The following DGLUCY variants were observed in gnomAD, a reference collection of about 807,000 sequenced individuals.
DGLUCY encodes the protein D-glutamate cyclase, also known as D-glutamate cyclase, mitochondrial.
DGLUCY carries 58 observed loss-of-function variants against 58.5 expected under a neutral mutation model. The ratio of observed to expected loss-of-function variants is 0.99; its 90% CI spans 0.80 to 1.23. The LOEUF is 1.23. Among genes scored for constraint, DGLUCY ranks in the 50% most tolerant of loss-of-function variants. The pLI is 0.00. For synonymous variants in DGLUCY, 325 were observed against 314.1 expected, an observed-to-expected ratio of 1.03 and a Z score of -0.37; for missense variants, 779 against 784.7, an observed-to-expected ratio of 0.99 and a Z score of 0.09.
rs143829341 is a variant in DGLUCY at position 91,199,939 on chromosome 14, G to A, written c.1444+34G>A. On this transcript the variant is annotated intron_variant, in intron 11 of 13. Coordinates refer to ENST00000256324, the MANE Select transcript of DGLUCY (RefSeq NM_001102368.3). ...GGAGTACTGGGGATGCACCAAGAAC[G>A]TGGCCCCATGAAGTGTCTTTTGTTG... 3,392 of 1,612,636 alleles carry A rather than the reference G, an allele frequency of 2.1e-3. 62 individuals carry two copies. In the African/African-American group the frequency reaches 0.038, roughly 18 times the overall value.
chr14:91,208,610 A>G (rs1469449663), intron 12 of DGLUCY, among the ~76,000 whole-genome samples: 3 of 152,148 alleles, frequency 2.0e-5, no homozygotes, highest in Non-Finnish European at 2.9e-5. Flanking sequence ...TTAGCTGAGT[A>G]TGGTGGTGGA....
chr14:91,156,410 G>A (rs141593194), intron 1 of DGLUCY, among the ~76,000 whole-genome samples: 61 of 152,234 alleles, frequency 4.0e-4, no homozygotes, highest in African/African-American at 1.1e-3. Flanking sequence ...CACTGTGCCC[G>A]GCCTGTTTCT....
At chr14:91,078,305 TTGAA>T (rs2140041821) in intron 1 of DGLUCY, among the ~76,000 whole-genome samples, 1 of 152,348 alleles carries the variant, frequency 6.6e-6, no homozygotes, top group African/African-American at 2.4e-5. Flanking sequence ...AAAAGCTACT[TTGAA>T]TGGTATGCTA....
Position 91,186,320 on chromosome 14 carries a change from C to A in DGLUCY, c.935-2590C>A, listed in dbSNP as rs140465571. Reference sequence around the variant, plus strand: ...GGAGTGCAGTGGTGCGATCTCAGCTCACTGCAGCCTCCGCCTCCCAAGTTC... The same window carrying A: ...GGAGTGCAGTGGTGCGATCTCAGCTAACTGCAGCCTCCGCCTCCCAAGTTC... On this transcript the variant is annotated intron_variant, in intron 8 of 13. Coordinates refer to ENST00000256324, the MANE Select transcript of DGLUCY (RefSeq NM_001102368.3). Among the ~76,000 whole-genome samples the A allele has an allele frequency of 1.1e-3, 171 of 152,214 alleles. 5 individuals are homozygous for A. The East Asian group carries it at 0.028, about 25-fold the overall frequency.
intron 1 of DGLUCY, chr14:91,145,097 G>T (rs2046942194): frequency 6.6e-6 from 1 of 152,158 alleles, no homozygotes; most frequent in East Asian, 1.9e-4. Flanking sequence ...TTCAGCGTGG[G>T]GGGTTAGAAA....
At chr14:91,069,741 A>G (rs1036952121) in intron 1 of DGLUCY, among the ~76,000 whole-genome samples, 2 of 149,316 alleles carry the variant, frequency 1.3e-5, no homozygotes, top group African/African-American at 4.9e-5. Context: ...AACTACAGCT[A>G]TTGTGTAGTT....
chr14:91,160,447 T>C (rs2047918166), intron 3 of DGLUCY, 50 bp downstream of exon 3: 2 of 1,274,110 alleles, frequency 1.6e-6, no homozygotes, highest in Non-Finnish European at 1.1e-6. Flanking sequence ...AAAAAGAAAG[T>C]TCCTGGGAAT....
intron 1 of DGLUCY, among the ~76,000 whole-genome samples, chr14:91,156,162 G>A (rs1368980118): frequency 6.7e-6 from 1 of 149,724 alleles, no homozygotes; most frequent in Non-Finnish European, 1.5e-5. Flanking sequence ...TGCCCAGACT[G>A]GAGTGCAGTA....
chr14:91,201,500 T>C (rs1410197917), intron 11 of DGLUCY, among the ~76,000 whole-genome samples: 2 of 152,100 alleles, frequency 1.3e-5, no homozygotes, highest in Non-Finnish European at 2.9e-5. Flanking sequence ...GGTTTCACTA[T>C]GTTGGCCAGG....
Position 91,224,956 on chromosome 14 carries a change from C to T in DGLUCY, c.*123C>T, listed in dbSNP as rs977485928. 2 of 1,181,856 alleles carry T rather than the reference C, an allele frequency of 1.7e-6. No individual in the cohort carries two copies. Among genetic ancestry groups the T allele is most frequent in the Admixed American group, 3.0e-5 (1 of 33,368 alleles). 73.2% of individuals were successfully genotyped at this position (1,181,856 alleles called of 1,614,324 possible). A position where few individuals can be genotyped will look rare whatever the true frequency, so the allele number is the denominator to read the frequency against. ...TGGTCTTCGGTGAGCAACGAACACT[C>T]GCCTGGCCTGGGAAACTGCATGCCC... On this transcript the variant is annotated 3_prime_UTR_variant, in exon 14 of 14. Transcript: ENST00000256324.
chr14:91,087,461 G>A (rs978765435), intron 1 of DGLUCY, among the ~76,000 whole-genome samples: 12 of 152,162 alleles, frequency 7.9e-5, no homozygotes, highest in African/African-American at 2.9e-4. Context: ...TTTGCTAGCC[G>A]TAATAAAGAA....
upstream of DGLUCY, among the ~76,000 whole-genome samples, chr14:91,111,252 A>ATC (rs1566944386): frequency 7.5e-6 from 1 of 133,892 alleles, no homozygotes; most frequent in African/African-American, 2.9e-5. Context: ...GTGTGTGTAT[A>ATC]TATCTATATA....
chr14:91,079,987 G>C (rs904941256), intron 1 of DGLUCY, among the ~76,000 whole-genome samples: 1 of 151,998 alleles, frequency 6.6e-6, no homozygotes, highest in Admixed American at 6.6e-5. Flanking sequence ...CAGGTAACCT[G>C]TATTCCACTT....
chr14:91,200,679 C>A (rs1385754310), intron 11 of DGLUCY, among the ~76,000 whole-genome samples: 2 of 152,012 alleles, frequency 1.3e-5, no homozygotes, highest in African/African-American at 4.8e-5. Context: ...TGGGCTCAAG[C>A]AATCCTCCCA....
chr14:91,185,975 G>A (rs2049492059), intron 8 of DGLUCY, among the ~76,000 whole-genome samples: 1 of 152,070 alleles, frequency 6.6e-6, no homozygotes, highest in African/African-American at 2.4e-5. Context: ...ATTCATAACA[G>A]CATCTTGAGC....
At chr14:91,066,480 C>T (rs1370959785) in intron 1 of DGLUCY, among the ~76,000 whole-genome samples, 3 of 152,006 alleles carry the variant, frequency 2.0e-5, no homozygotes, top group African/African-American at 7.2e-5. Context: ...GTGCTCACCC[C>T]CTTTTGTTGT....
chr14:91,152,305 G>A (rs921733662), intron 1 of DGLUCY, among the ~76,000 whole-genome samples: 2 of 152,164 alleles, frequency 1.3e-5, no homozygotes, highest in Non-Finnish European at 2.9e-5. Flanking sequence ...GCTTAGGTGG[G>A]AGGATGGCTT....
chr14:91,133,751 C>T (rs954341568), intron 1 of DGLUCY, among the ~76,000 whole-genome samples: 5 of 152,180 alleles, frequency 3.3e-5, no homozygotes. Flanking sequence ...ATTTTACCAT[C>T]ACACCAGCAA....
chr14:91,151,383 G>A (rs1186116816), intron 1 of DGLUCY, among the ~76,000 whole-genome samples: 3 of 151,926 alleles, frequency 2.0e-5, no homozygotes, highest in Admixed American at 6.6e-5. Context: ...GGGACTACAG[G>A]CGCCCACCAC....
Sources: allele counts gnomAD v4.1 joint callset (sites outside exome capture counted in the v4.1 genomes callset), GRCh38; gene constraint gnomAD v4.1.1; transcripts MANE v1.5; gene names NCBI Gene and HGNC (gene_info 2026-07-23, HGNC 2026-07-21).